The following MARCHF10 variants were observed in gnomAD, a reference collection of about 807,000 sequenced individuals.
MARCHF10 encodes membrane associated ring-CH-type finger 10, also known as probable E3 ubiquitin-protein ligase MARCHF10.
In MARCHF10, 64 loss-of-function variants were observed where a neutral mutation model predicts 76.2. The ratio of observed to expected loss-of-function variants is 0.84; its 90% confidence interval spans 0.69 to 1.03. MARCHF10 has a LOEUF of 1.03. Ranked by LOEUF, MARCHF10 falls within the 50% of genes least tolerant of loss-of-function variation. The pLI is 0.00. For missense variants in MARCHF10, 875 were observed against 958.0 expected (o/e 0.91, Z 1.14); for synonymous variants, 340 against 357.5 (o/e 0.95, Z 0.55).
chr17:62,805,867 G>A (rs1221453325), intron 1 of MARCHF10, among the ~76,000 whole-genome samples: 1 of 151,158 alleles, frequency 6.6e-6, no homozygotes, highest in Non-Finnish European at 1.5e-5. Context: ...AGCCAAGATC[G>A]CACCACTGCA....
In MARCHF10 at chr17:62,800,940, C is replaced by G. The variant is rs116255722; in HGVS notation, c.90+706G>C. Among the ~76,000 whole-genome samples the G allele has an allele frequency of 3.9e-5, 6 of 152,206 alleles. No homozygotes were observed. The South Asian group carries it at 1.0e-3, about 26-fold the overall frequency. ...ACCTTTCTTCTGGTGGGGATGACAA[C>G]GAAGGGCGTGTTATTTTACAAATGG... On this transcript the variant is annotated intron_variant, in intron 2 of 10. Coordinates refer to ENST00000311269, the MANE Select transcript of MARCHF10 (RefSeq NM_152598.4).
chr17:62,726,959 G>A (rs1054553414), intron 6 of MARCHF10, among the ~76,000 whole-genome samples: 4 of 152,138 alleles, frequency 2.6e-5, no homozygotes, highest in African/African-American at 9.7e-5. Context: ...GCAACTACAC[G>A]GGATTTGCAT....
intron 8 of MARCHF10, among the ~76,000 whole-genome samples, chr17:62,719,223 G>A (rs2090366114): frequency 1.3e-5 from 2 of 152,126 alleles, no homozygotes; most frequent in Admixed American, 1.3e-4. Context: ...CCACATTAAA[G>A]AAGTAAAAAG....
Position 62,801,661 on chromosome 17 carries a change from C to T in MARCHF10, c.75G>A (p.Val25=), listed in dbSNP as rs2093076022. ...VQYLRDMQHK[V]DSEYQACLRR... The stretch of plus-strand genomic sequence containing the variant: ...CTGCAATTACCTGATACTCAGAGTC[C>T]ACCTTATGCTGCATGTCCCGCAGAT... The change falls in exon 2 of 11, where the codon GTG becomes GTA. Residue 25 remains valine, a synonymous_variant. Transcript: ENST00000311269. The T allele has an allele frequency of 6.2e-7, 1 of 1,613,876 alleles. No individual in the cohort carries two copies. The highest frequency in any genetic ancestry group is 1.3e-5 in the African/African-American group (1 of 74,886).
intron 5 of MARCHF10, 146 bp downstream of exon 5, chr17:62,744,230 G>T (rs2091620079): frequency 1.1e-6 from 1 of 871,116 alleles, no homozygotes; most frequent in Non-Finnish European, 1.7e-6. Flanking sequence ...CATACAATTT[G>T]CTTTTAAAGC....
chr17:62,753,648 A>G (rs2091960485), intron 4 of MARCHF10, among the ~76,000 whole-genome samples: 1 of 152,096 alleles, frequency 6.6e-6, no homozygotes, highest in African/African-American at 2.4e-5. Flanking sequence ...GTTCCTTTGC[A>G]CACTCAGTAC....
chr17:62,737,148 T>C lies in MARCHF10; in HGVS notation c.720A>G (p.Gln240=). The C allele has an allele frequency of 6.2e-7, 1 of 1,614,080 alleles. No homozygotes were observed. Among genetic ancestry groups the C allele is most frequent in the Non-Finnish European group, 8.5e-7 (1 of 1,180,006 alleles). ...ELHPALSQAF[Q]GKNSPQVLSE... The stretch of plus-strand genomic sequence containing the variant: ...TCAATACTTGAGGACTATTTTTTCC[T>C]TGGAAGGCCTGGGACAGGGCTGGAT... Residue 240 remains glutamine (Q), a synonymous_variant, in exon 6 of 11, where the codon CAA becomes CAG. Coordinates refer to ENST00000311269, the MANE Select transcript of MARCHF10 (RefSeq NM_152598.4).
intron 3 of MARCHF10, among the ~76,000 whole-genome samples, chr17:62,784,358 T>C (rs747145127): frequency 1.3e-4 from 20 of 152,204 alleles, no homozygotes; most frequent in Non-Finnish European, 2.6e-4. Context: ...AAACTAGGTA[T>C]TGATGGAACA....
intron 4 of MARCHF10, among the ~76,000 whole-genome samples, chr17:62,746,219 C>A (rs1161343836): frequency 6.6e-6 from 1 of 152,198 alleles, no homozygotes; most frequent in African/African-American, 2.4e-5. Context: ...GTGGGTCCTG[C>A]AGGCCAAGAC....
chr17:62,750,305 G>C (rs1298093508), intron 4 of MARCHF10: 1 of 154,366 alleles, frequency 6.5e-6, no homozygotes, highest in Admixed American at 6.5e-5. Flanking sequence ...CAGCACGGCG[G>C]GGGACTCGGG....
At chr17:62,746,692 G>A (rs533989035) in intron 4 of MARCHF10, among the ~76,000 whole-genome samples, 5 of 152,322 alleles carry the variant, frequency 3.3e-5, no homozygotes, top group East Asian at 1.9e-4. Context: ...AGGGGCAGGC[G>A]TGGGGCTCAG....
intron 2 of MARCHF10, among the ~76,000 whole-genome samples, chr17:62,789,198 G>T: frequency 6.6e-6 from 1 of 152,124 alleles, no homozygotes; most frequent in East Asian, 1.9e-4. Flanking sequence ...CTCAAGGAGG[G>T]CAGCACCTGT....
intron 8 of MARCHF10, among the ~76,000 whole-genome samples, chr17:62,718,777 G>A (rs1332534042): frequency 6.6e-6 from 1 of 152,166 alleles, no homozygotes; most frequent in African/African-American, 2.4e-5. Flanking sequence ...ATGCAGTGAT[G>A]TGAGACCTTC....
intron 2 of MARCHF10, among the ~76,000 whole-genome samples, chr17:62,795,356 CAAAAAAAAAAAA>C (rs61564298): frequency 3.8e-5 from 2 of 52,934 alleles, no homozygotes; most frequent in Non-Finnish European, 3.5e-5. Flanking sequence ...ATCATTTGAT[CAAAAAAAAAAAA>C]AAAAAAAAAA....
At chr17:62,793,636 A>G (rs931833750) in intron 2 of MARCHF10, among the ~76,000 whole-genome samples, 2 of 92,846 alleles carry the variant, frequency 2.2e-5, no homozygotes, top group African/African-American at 8.6e-5. Context: ...CCACAACCCC[A>G]TCAACCACCA....
rs111385609 is a variant in MARCHF10 at position 62,726,633 on chromosome 17, G to A, written c.1938-1529C>T. Among the ~76,000 whole-genome samples, 167 of 151,516 alleles carry A rather than the reference G, an allele frequency of 1.1e-3. 1 individual carries two copies. The highest frequency in any genetic ancestry group is 3.9e-3 in the African/African-American group (160 of 40,912). On this transcript the variant is annotated intron_variant, in intron 6 of 10. Transcript: ENST00000311269. ...GAAAAGTGGTAGAAGATTATTTTTT[G>A]TTGTTGTTGTTTGTTTTGAGATGGA...
chr17:62,752,661 G>A (rs146400333), intron 4 of MARCHF10, among the ~76,000 whole-genome samples: 236 of 151,174 alleles, frequency 1.6e-3, no homozygotes, highest in African/African-American at 5.5e-3. Flanking sequence ...ATAGAGATGG[G>A]GTCTTGCTAT....
At chr17:62,764,412 T>C (rs1177921072) in intron 3 of MARCHF10, among the ~76,000 whole-genome samples, 1 of 152,146 alleles carries the variant, frequency 6.6e-6, no homozygotes, top group Non-Finnish European at 1.5e-5. Flanking sequence ...GGATCTATGA[T>C]ATAGTGCAGG....
chr17:62,717,224 G>A (rs2090253938), intron 8 of MARCHF10, among the ~76,000 whole-genome samples: 1 of 152,216 alleles, frequency 6.6e-6, no homozygotes, highest in South Asian at 2.1e-4. Context: ...AGGTCATGGG[G>A]ACAGTCAGGG....
Sources: gnomAD v4.1 joint callset for allele counts (sites outside exome capture counted in the v4.1 genomes callset) on GRCh38, gnomAD v4.1.1 for gene constraint, MANE v1.5 for transcripts, NCBI Gene and HGNC (gene_info 2026-07-23, HGNC 2026-07-21) for gene names.